Variants in ADAMTS9 observed in about 807,000 individuals in gnomAD.
The protein encoded by ADAMTS9 is ADAM metallopeptidase with thrombospondin type 1 motif 9, also known as A disintegrin and metalloproteinase with thrombospondin motifs 9.
A neutral mutation model predicts 257.1 loss-of-function variants in ADAMTS9; 107 were observed. The observed-to-expected ratio is 0.42, with a 90% CI of 0.36 to 0.49. The LOEUF is 0.49. ADAMTS9 is among the 20% of genes least tolerant of loss of function. The probability of loss-of-function intolerance (pLI) is 0.03; values close to 1 mark genes in which losing one functional copy is unlikely to be tolerated. For synonymous variants in ADAMTS9, 982 were observed against 880.9 expected (o/e 1.11, Z -2.03); for missense variants, 2,353 against 2,469.1 (o/e 0.95, Z 1.00).
chr3:64,651,093 C>A lies in ADAMTS9; in HGVS notation c.1387G>T (p.Ala463Ser), dbSNP rs1293101413. 16 of 1,607,008 alleles carry A rather than the reference C, an allele frequency of 1.0e-5. No individual in the cohort carries two copies. Among genetic ancestry groups the A allele is most frequent in the Admixed American group, 1.7e-5 (1 of 58,480 alleles). The change falls in exon 9 of 40, where the codon GCT (alanine) becomes TCT (serine). Residue 463 changes from alanine (A) to serine (S), a missense_variant. Ala to Ser is a moderately conservative substitution (Grantham distance 99). Coordinates refer to ENST00000498707, the MANE Select transcript of ADAMTS9 (RefSeq NM_182920.2). ...TTGGTGTAGAAGTTCAGTGTTGGAG[C>A]CATGACATGCTGGGGACTCTTAACT... The part of the protein sequence containing the change: ...EGVKSPQHVM[A>S]PTLNFYTNPW...
rs765438916 is a variant in ADAMTS9 at position 64,561,702 on chromosome 3, T to C, written c.4574A>G (p.Gln1525Arg). ...TCTGGCTATTTTGTGTGTTCCGATC[T>C]GACAGCCCACATGCCTCTGCTGTAC... ...RGVQQRHVGC[Q>R]IGTHKIARET... is the part of the protein sequence containing the mutation. The change falls in exon 30 of 40, where the codon CAG (glutamine) becomes CGG (arginine). Residue 1525 changes from glutamine (Q) to arginine (R), a missense_variant. Physicochemically the swap from Gln to Arg is conservative, Grantham distance 43. Transcript: ENST00000498707. 3.7e-6 allele frequency: 6 copies of C among 1,613,004 alleles called. No homozygotes were observed. The Admixed American group carries it at 8.4e-5, about 22-fold the overall frequency.
At position 64,650,016 on chromosome 3, in the gene ADAMTS9, TACA is replaced by T. The variant is rs536690295; in HGVS notation, c.1464-241_1464-239del. On this transcript the variant is annotated intron_variant, in intron 9 of 39. Transcript: ENST00000498707. The stretch of plus-strand genomic sequence containing the variant: ...TAGCCAGTAGGAAATATACACCTGT[TACA>T]ACGTTGATCACACTTCACAGCAATT... The T allele has an allele frequency of 3.5e-3, 1,558 of 443,626 alleles. 6 individuals are homozygous for T. Among genetic ancestry groups the T allele is most frequent in the Non-Finnish European group, 5.1e-3 (1,290 of 251,582 alleles). The allele number at this position is 443,626 out of a possible 1,614,324, so 27.5% of individuals were successfully genotyped here.
Position 64,639,566 on chromosome 3 carries a change from T to TA in ADAMTS9, c.1856+2281_1856+2282insT, listed in dbSNP as rs1700588504. Among the ~76,000 whole-genome samples the TA allele has an allele frequency of 3.8e-5, 4 of 104,822 alleles. No homozygotes were observed. In the South Asian group the frequency reaches 1.2e-3, roughly 31 times the overall value. The allele number at this position is 104,822 out of a possible 152,430, so 68.8% of individuals were successfully genotyped here. Reference sequence around the variant, plus strand: ...GCTCAAGACTTAACAAAGTATTATTTTAAAAAAGGCCAAACACTTCTTTTG... The same window carrying TA: ...GCTCAAGACTTAACAAAGTATTATTTATAAAAAAGGCCAAACACTTCTTTTG... On this transcript the variant is annotated intron_variant, in intron 12 of 39. Coordinates refer to ENST00000498707, the MANE Select transcript of ADAMTS9 (RefSeq NM_182920.2).
intron 8 of ADAMTS9, among the ~76,000 whole-genome samples, chr3:64,652,972 G>A (rs1003146970): frequency 6.6e-6 from 1 of 152,160 alleles, no homozygotes; most frequent in Non-Finnish European, 1.5e-5. Context: ...TAGGCTATGT[G>A]CATAAGGTAT....
At chr3:64,627,475 A>T (rs926119874) in intron 16 of ADAMTS9, among the ~76,000 whole-genome samples, 1 of 152,294 alleles carries the variant, frequency 6.6e-6, no homozygotes, top group Middle Eastern at 3.4e-3. Context: ...ACTGGAGACA[A>T]ATAAGTATCA....
chr3:64,527,488 G>C (rs1415433119), intron 38 of ADAMTS9, among the ~76,000 whole-genome samples: 1 of 151,960 alleles, frequency 6.6e-6, no homozygotes, highest in Non-Finnish European at 1.5e-5. Context: ...GGTGGAGGTG[G>C]GGATTTTGAT....
At chr3:64,568,998 A>G (rs2083611696) in intron 28 of ADAMTS9, 1 of 158,370 alleles carries the variant, frequency 6.3e-6, no homozygotes, top group Non-Finnish European at 1.4e-5. Context: ...TTTCCAGAGG[A>G]TAAGCTCTCG....
intron 38 of ADAMTS9, among the ~76,000 whole-genome samples, chr3:64,523,228 A>T (rs75491580): frequency 0.025 from 3,827 of 152,258 alleles, 115 homozygotes; most frequent in East Asian, 0.07. Flanking sequence ...GGAACCACAT[A>T]AACAGTCAAT....
At chr3:64,581,613 A>G (rs1350483862) in intron 28 of ADAMTS9, among the ~76,000 whole-genome samples, 1 of 152,232 alleles carries the variant, frequency 6.6e-6, no homozygotes, top group Non-Finnish European at 1.5e-5. Flanking sequence ...TTTATAGCCT[A>G]GAATTACCGG....
intron 11 of ADAMTS9, among the ~76,000 whole-genome samples, chr3:64,644,749 T>C (rs988820801): frequency 6.6e-6 from 1 of 152,174 alleles, no homozygotes; most frequent in East Asian, 1.9e-4. Context: ...CAGACTTCAG[T>C]TTCTGGATCT....
intron 38 of ADAMTS9, among the ~76,000 whole-genome samples, chr3:64,529,024 C>T (rs186678099): frequency 9.8e-5 from 15 of 152,306 alleles, no homozygotes; most frequent in East Asian, 1.9e-4. Context: ...GGCTGAGTTG[C>T]GGCAGGTTGG....
rs189398627 is a variant in ADAMTS9 at position 64,611,575 on chromosome 3, G to T, written c.3354+1770C>A. 7.2e-5 allele frequency among the ~76,000 whole-genome samples: 11 copies of T among 152,292 alleles called. No homozygotes were observed. In the East Asian group the frequency reaches 1.2e-3, roughly 16 times the overall value. ...GGAAGACATCTTCCACAGATGGGGT[G>T]GGTGGGGGTGGTTTTGGGATGAAAC... On this transcript the variant is annotated intron_variant, in intron 22 of 39. Transcript: ENST00000498707.
At chr3:64,670,076 G>A (rs959841275) in intron 3 of ADAMTS9, among the ~76,000 whole-genome samples, 1 of 152,210 alleles carries the variant, frequency 6.6e-6, no homozygotes, top group South Asian at 2.1e-4. Context: ...AGCAGGGCAT[G>A]TGGTCATAAG....
intron 8 of ADAMTS9, among the ~76,000 whole-genome samples, chr3:64,652,852 A>G (rs1337056593): frequency 2.6e-5 from 4 of 152,266 alleles, no homozygotes; most frequent in African/African-American, 9.6e-5. Flanking sequence ...CAAGACCCAA[A>G]ACTTTTTGAG....
At chr3:64,552,182 CA>C (rs1419142339) in intron 30 of ADAMTS9, among the ~76,000 whole-genome samples, 1 of 152,228 alleles carries the variant, frequency 6.6e-6, no homozygotes, top group Non-Finnish European at 1.5e-5. Context: ...CCAGGTCACA[CA>C]TCTCTTTGTG....
intron 25 of ADAMTS9, among the ~76,000 whole-genome samples, chr3:64,602,880 A>G (rs966563045): frequency 6.6e-6 from 1 of 152,164 alleles, no homozygotes; most frequent in African/African-American, 2.4e-5. Flanking sequence ...AATAATCTCC[A>G]TGAAGGTAGG....
chr3:64,620,270 G>T (rs202059454), intron 19 of ADAMTS9, among the ~76,000 whole-genome samples: 3 of 152,090 alleles, frequency 2.0e-5, no homozygotes, highest in Non-Finnish European at 4.4e-5. Context: ...CTCATAATCT[G>T]CCCTAAAGCA....
intron 32 of ADAMTS9, 24 bp from the exon 33 acceptor site, chr3:64,541,994 G>A (rs549869962): frequency 1.7e-5 from 28 of 1,613,706 alleles, no homozygotes; most frequent in South Asian, 5.5e-5. Flanking sequence ...GAGAGTCAGC[G>A]GTGTGGCTAT....
intron 6 of ADAMTS9, among the ~76,000 whole-genome samples, chr3:64,655,366 G>C (rs1360484494): frequency 6.6e-6 from 1 of 152,188 alleles, no homozygotes. Flanking sequence ...TCACACCTGA[G>C]GGGAGGGAGT....
Sources: allele counts gnomAD v4.1 joint callset (sites outside exome capture counted in the v4.1 genomes callset), GRCh38; gene constraint gnomAD v4.1.1; transcripts MANE v1.5; gene names NCBI Gene and HGNC (gene_info 2026-07-23, HGNC 2026-07-21).